NEBL: variants seen among roughly 807,000 people sequenced by gnomAD.
NEBL encodes LIM and SH3 protein 2.
NEBL carries 122 observed loss-of-function variants against 140.2 expected under a neutral mutation model. The ratio of observed to expected loss-of-function variants is 0.87; its 90% CI spans 0.75 to 1.01. NEBL has a LOEUF of 1.01. Ranked by LOEUF, NEBL falls within the 50% of genes least tolerant of loss-of-function variation. The pLI, the probability that NEBL is intolerant of heterozygous loss-of-function variation, is 0.00. For missense variants in NEBL, 1,365 were observed against 1,231.3 expected (o/e 1.11, Z -1.62); for synonymous variants, 436 against 398.9 (o/e 1.09, Z -1.11).
At chr10:20,865,751 A>G (rs1047911666) in intron 7 of NEBL, among the ~76,000 whole-genome samples, 3 of 152,174 alleles carry the variant, frequency 2.0e-5, no homozygotes, top group Non-Finnish European at 1.5e-5. Context: ...TAGCCTCCTG[A>G]GTTATAAAGT....
At chr10:21,027,184 C>G (rs1830265326) in intron 2 of NEBL, among the ~76,000 whole-genome samples, 1 of 152,074 alleles carries the variant, frequency 6.6e-6, no homozygotes, top group African/African-American at 2.4e-5. Context: ...TGTGAAACCT[C>G]CCAGAGAATC....
At chr10:21,177,482 A>T (rs1161660069), upstream of NEBL, among the ~76,000 whole-genome samples, 1 of 152,180 alleles carries the variant, frequency 6.6e-6, no homozygotes, top group East Asian at 1.9e-4. Context: ...TTCATCAACA[A>T]CAAGAAACTA....
chr10:21,237,435 C>T (rs1842371186), intron 3 of NEBL, among the ~76,000 whole-genome samples: 1 of 152,178 alleles, frequency 6.6e-6, no homozygotes, highest in Non-Finnish European at 1.5e-5. Context: ...AAACTCCTGA[C>T]CTCAGGTTAT....
chr10:21,036,817 G>C (rs147659824), intron 2 of NEBL, among the ~76,000 whole-genome samples: 1 of 152,246 alleles, frequency 6.6e-6, no homozygotes, highest in East Asian at 1.9e-4. Context: ...CAGAGATGAG[G>C]AATATTAGGC....
At chr10:20,983,393 A>C (rs746657728) in intron 3 of NEBL, among the ~76,000 whole-genome samples, 1 of 152,206 alleles carries the variant, frequency 6.6e-6, no homozygotes, top group African/African-American at 2.4e-5. Context: ...TGATAGCTTA[A>C]TTTTGATTTA....
chr10:21,154,192 C>T (rs1006359488), intron 2 of NEBL, among the ~76,000 whole-genome samples: 1 of 151,904 alleles, frequency 6.6e-6, no homozygotes, highest in Admixed American at 6.6e-5. Flanking sequence ...GGCACAGTGG[C>T]TCACATCTGT....
At chr10:21,275,358 G>A (rs1842907346) in intron 1 of NEBL, among the ~76,000 whole-genome samples, 1 of 152,166 alleles carries the variant, frequency 6.6e-6, no homozygotes, top group Non-Finnish European at 1.5e-5. Flanking sequence ...CATTACCAGA[G>A]CAACCTTCAA....
At chr10:21,074,053 C>T (rs954948217) in intron 2 of NEBL, among the ~76,000 whole-genome samples, 9 of 151,964 alleles carry the variant, frequency 5.9e-5, no homozygotes, top group East Asian at 1.9e-4. Flanking sequence ...CCAGCCTGGG[C>T]GACAGAGTGA....
At chr10:20,931,897 A>C (rs7902325) in intron 4 of NEBL, among the ~76,000 whole-genome samples, 26,334 of 152,194 alleles carry the variant, frequency 0.17, 2,837 homozygotes, top group African/African-American at 0.3. Flanking sequence ...AATAATAAAG[A>C]AATCAAACAT....
intron 2 of NEBL, among the ~76,000 whole-genome samples, chr10:21,089,220 G>T (rs1257902954): frequency 6.6e-6 from 1 of 152,172 alleles, no homozygotes. Context: ...GGAAGGACAG[G>T]TCTGTGGGGT....
intron 8 of NEBL, 83 bp from the exon 9 acceptor site, chr10:20,858,427 A>T (rs909811910): frequency 9.4e-6 from 11 of 1,166,454 alleles, no homozygotes; most frequent in Non-Finnish European, 1.4e-5. Context: ...CATACATCAT[A>T]AAGTAGGACT....
chr10:21,018,283 G>C (rs748148735), intron 3 of NEBL, among the ~76,000 whole-genome samples: 3 of 152,176 alleles, frequency 2.0e-5, no homozygotes, highest in Non-Finnish European at 2.9e-5. Flanking sequence ...CAGGAAATGA[G>C]TATTTGATTG....
intron 4 of NEBL, among the ~76,000 whole-genome samples, chr10:20,929,263 A>ATT (rs1263119535): frequency 6.7e-6 from 1 of 149,114 alleles, no homozygotes; most frequent in African/African-American, 2.5e-5. Flanking sequence ...AGATATAAAT[A>ATT]TATATATATA....
intron 3 of NEBL, among the ~76,000 whole-genome samples, chr10:20,977,070 T>C (rs1175291037): frequency 2.0e-5 from 3 of 152,098 alleles, no homozygotes; most frequent in African/African-American, 7.2e-5. Flanking sequence ...TTAATCTCAG[T>C]TTCAGTCAAA....
At chr10:21,093,150 C>CTTTTTTTTTTTTT (rs4025884) in intron 2 of NEBL, among the ~76,000 whole-genome samples, 7,186 of 93,792 alleles carry the variant, frequency 0.077, 759 homozygotes, top group African/African-American at 0.095. Context: ...AGCAACAAGT[C>CTTTTTTTTTTTTT]TTTTTTTTTT....
At chr10:20,983,360 C>G (rs1837130380) in intron 3 of NEBL, among the ~76,000 whole-genome samples, 1 of 152,108 alleles carries the variant, frequency 6.6e-6, no homozygotes, top group Admixed American at 6.6e-5. Context: ...AACTTCAACG[C>G]AAAAGTATGC....
At chr10:21,125,982 G>T (rs752779946) in intron 2 of NEBL, 1 of 1,614,188 alleles carries the variant, frequency 6.2e-7, no homozygotes. Flanking sequence ...GAGCTGCCTG[G>T]ATGGGCGGCT....
chr10:20,811,103 G>A (rs1278422606), intron 24 of NEBL, among the ~76,000 whole-genome samples: 2 of 152,146 alleles, frequency 1.3e-5, no homozygotes, highest in African/African-American at 2.4e-5. Flanking sequence ...AAAGTTTAAT[G>A]TTGGCCAATT....
chr10:20,929,214 A>AG (rs1834059225), intron 4 of NEBL, among the ~76,000 whole-genome samples: 1 of 152,060 alleles, frequency 6.6e-6, no homozygotes, highest in African/African-American at 2.4e-5. Flanking sequence ...AATCAACCTA[A>AG]GTGTCCATCA....
Sources: allele counts gnomAD v4.1 joint callset (sites outside exome capture counted in the v4.1 genomes callset), GRCh38; gene constraint gnomAD v4.1.1; transcripts MANE v1.5; gene names NCBI Gene and HGNC (gene_info 2026-07-23, HGNC 2026-07-21).